The following LACTB variants were observed in gnomAD, a reference collection of about 807,000 sequenced individuals.
LACTB encodes the protein serine beta-lactamase-like protein LACTB, mitochondrial.
A neutral mutation model predicts 50.2 loss-of-function variants in LACTB; 35 were observed. That is an observed-to-expected ratio of 0.70 (90% CI 0.53 to 0.92). The LOEUF is 0.92. Ranked by LOEUF, LACTB falls within the 40% of genes least tolerant of loss-of-function variation. The pLI is 0.00. For missense variants in LACTB, 664 were observed against 691.8 expected (o/e 0.96, Z 0.45); for synonymous variants, 252 against 268.2 (o/e 0.94, Z 0.59).
chr15:63,135,937 T>G (rs563448690), intron 5 of LACTB, among the ~76,000 whole-genome samples: 13 of 152,348 alleles, frequency 8.5e-5, no homozygotes, highest in African/African-American at 2.6e-4. Flanking sequence ...ATGTGCAGAC[T>G]GCAGAGCAGC....
intron 5 of LACTB, among the ~76,000 whole-genome samples, chr15:63,133,699 A>C (rs2037152639): frequency 1.3e-5 from 2 of 152,206 alleles, no homozygotes; most frequent in Admixed American, 1.3e-4. Flanking sequence ...TGTTCAGCTG[A>C]GATGAGACAG....
chr15:63,128,131 CTT>C (rs1566990797), intron 4 of LACTB, among the ~76,000 whole-genome samples: 1 of 152,048 alleles, frequency 6.6e-6, no homozygotes, highest in Admixed American at 6.6e-5. Flanking sequence ...AAATAATTAT[CTT>C]TGTTTTATTT....
intron 4 of LACTB, among the ~76,000 whole-genome samples, chr15:63,129,136 AT>A (rs1365856532): frequency 3.3e-5 from 5 of 152,104 alleles, no homozygotes; most frequent in Non-Finnish European, 5.9e-5. Flanking sequence ...AAGAAATCAA[AT>A]TTGCTTTTCT....
intron 5 of LACTB, among the ~76,000 whole-genome samples, chr15:63,132,871 T>C (rs1041383389): frequency 2.6e-5 from 4 of 152,160 alleles, no homozygotes; most frequent in Non-Finnish European, 5.9e-5. Flanking sequence ...ATATCTAAAA[T>C]AATTGAACAC....
intron 2 of LACTB, 141 bp from the exon 3 acceptor site, chr15:63,126,718 G>C (rs930426467): frequency 2.2e-6 from 1 of 462,176 alleles, no homozygotes; most frequent in Non-Finnish European, 3.9e-6. Flanking sequence ...TACATGTCCA[G>C]TGTTAAGTAA....
intron 1 of LACTB, 26 bp downstream of exon 1, chr15:63,122,254 A>AG: frequency 6.6e-7 from 1 of 1,512,658 alleles, no homozygotes; most frequent in South Asian, 1.3e-5. Flanking sequence ...CGGGGGGCGT[A>AG]GGGGGCCGGG....
At chr15:63,125,419 C>T (rs768810126) in intron 2 of LACTB, among the ~76,000 whole-genome samples, 39 of 152,102 alleles carry the variant, frequency 2.6e-4, no homozygotes, top group African/African-American at 8.7e-4. Context: ...GCGCCTGCCT[C>T]GGCATCCCAA....
chr15:63,140,375 T>C (rs765915986), intron 5 of LACTB, among the ~76,000 whole-genome samples: 1 of 152,028 alleles, frequency 6.6e-6, no homozygotes, highest in Non-Finnish European at 1.5e-5. Context: ...ATAATGAAGG[T>C]TTTAATGGAG....
Position 63,127,462 on chromosome 15 carries a change from T to C in LACTB, c.725T>C (p.Met242Thr). The change falls in exon 4 of 6, where the codon ATG (methionine) becomes ACG (threonine). Residue 242 changes from methionine (M) to threonine (T), a missense_variant. Transcript: ENST00000261893. ...AAAGCTTATAAAGCCTTGAAGATGA[T>C]GAAAGAGAATGTTGCATTTGAGCAA... ...EEKAYKALKM[M>T]KENVAFEQEK... 6 of 1,612,608 alleles carry C rather than the reference T, an allele frequency of 3.7e-6. No homozygotes were observed. The highest frequency in any genetic ancestry group is 5.1e-6 in the Non-Finnish European group (6 of 1,179,116).
intron 4 of LACTB, among the ~76,000 whole-genome samples, chr15:63,128,892 C>T (rs186152047): frequency 4.5e-4 from 69 of 152,016 alleles, no homozygotes; most frequent in Admixed American, 5.2e-4. Flanking sequence ...TATGGGTGCC[C>T]GCCACCACAC....
chr15:63,141,463 C>A lies in LACTB; in HGVS notation c.1302C>A (p.Tyr434Ter), dbSNP rs769758247. The change falls in exon 6 of 6, where the codon TAC becomes TAA. Residue 434 changes from tyrosine to a stop codon, truncating the protein, a stop_gained. Transcript: ENST00000261893. LOFTEE classifies it high-confidence loss of function. ...KNSNENLLPGYLKPETMVMMW... is the reference protein window; with the variant it reads ...KNSNENLLPG Reference sequence around the variant, plus strand: ...CAAATGAAAATCTTTTACCTGGATACCTCAAACCAGAAACAATGGTTATGA... The same window carrying A: ...CAAATGAAAATCTTTTACCTGGATAACTCAAACCAGAAACAATGGTTATGA... 1 of 1,614,126 alleles carries A rather than the reference C, an allele frequency of 6.2e-7. No homozygotes were observed. Among genetic ancestry groups the A allele is most frequent in the Non-Finnish European group, 8.5e-7 (1 of 1,180,020 alleles).
At chr15:63,129,245 A>G (rs916194889) in intron 4 of LACTB, 8 of 272,854 alleles carry the variant, frequency 2.9e-5, no homozygotes, top group Admixed American at 2.3e-4. Context: ...AAAGGAGCAG[A>G]TTTATGTGAA....
chr15:63,129,519 C>T lies in LACTB; in HGVS notation c.987C>T (p.Thr329=). The change falls in exon 5 of 6, where the codon ACC becomes ACT. Residue 329 remains threonine, a synonymous_variant. Coordinates refer to ENST00000261893, the MANE Select transcript of LACTB (RefSeq NM_032857.5). ...TTTTGTATTCAACTTTTGGCTATAC[C>T]CTACTGGCAGCCATAGTAGAGAGAG... ...SQFLYSTFGY[T]LLAAIVERAS... 6.2e-7 allele frequency: 1 copy of T among 1,606,278 alleles called. No individual in the cohort carries two copies. The highest frequency in any genetic ancestry group is 8.5e-7 in the Non-Finnish European group (1 of 1,176,404).
chr15:63,141,316 C>A lies in LACTB; in HGVS notation c.1155C>A (p.Asn385Lys). 6.2e-7 allele frequency: 1 copy of A among 1,611,034 alleles called. No individual in the cohort carries two copies. Among genetic ancestry groups the A allele is most frequent in the Middle Eastern group, 1.7e-4 (1 of 6,042 alleles). ...ACAATAAAAAGAAACGTCTTGTCAA[C>A]ACACCTTACGTGGATAACTCCTATA... The part of the protein sequence containing the change: ...YVYNKKKRLV[N>K]TPYVDNSYKW... Residue 385 changes from asparagine to lysine, a missense_variant, in exon 6 of 6, where the codon AAC (asparagine) becomes AAA (lysine). Transcript: ENST00000261893.
rs187172643 is a variant in LACTB at position 63,125,691 on chromosome 15, T to G, written c.425-1168T>G. On this transcript the variant is annotated intron_variant, in intron 2 of 5. Coordinates refer to ENST00000261893, the MANE Select transcript of LACTB (RefSeq NM_032857.5). ...CTCTTTTTATTTATTTATTTATTTA[T>G]TTTTTGGACAGGGTCTCTTACTGTG... Among the ~76,000 whole-genome samples the G allele has an allele frequency of 8.4e-4, 127 of 152,006 alleles. 1 individual carries two copies. In the East Asian group the frequency reaches 0.012, roughly 15 times the overall value.
At chr15:63,124,242 A>G (rs185883515) in intron 2 of LACTB, among the ~76,000 whole-genome samples, 3 of 152,318 alleles carry the variant, frequency 2.0e-5, no homozygotes, top group South Asian at 2.1e-4. Flanking sequence ...TTCCTTGGCT[A>G]TGATTATAGA....
intron 4 of LACTB, among the ~76,000 whole-genome samples, chr15:63,128,156 C>T (rs1444872953): frequency 2.0e-5 from 3 of 151,848 alleles, no homozygotes; most frequent in Non-Finnish European, 4.4e-5. Flanking sequence ...TGATTTGGTG[C>T]CTATTGAAGC....
intron 1 of LACTB, 26 bp from the exon 2 acceptor site, chr15:63,122,610 G>T: frequency 6.3e-7 from 1 of 1,590,254 alleles, no homozygotes; most frequent in East Asian, 2.2e-5. Flanking sequence ...GCCCGTAACT[G>T]TCGGTTCTTT....
In LACTB at chr15:63,141,845, G is replaced by C. The variant is rs757707003; in HGVS notation, c.*40G>C. The C allele has an allele frequency of 1.3e-5, 20 of 1,530,742 alleles. No homozygotes were observed. The highest frequency in any genetic ancestry group is 1.7e-5 in the Non-Finnish European group (19 of 1,132,840). The allele number at this position is 1,530,742 out of a possible 1,614,324, so 94.8% of individuals were successfully genotyped here. A position where few individuals can be genotyped will look rare whatever the true frequency, so the allele number is the denominator to read the frequency against. On this transcript the variant is annotated 3_prime_UTR_variant, in exon 6 of 6. Transcript: ENST00000261893. ...TAGGTGCAAAATGAGTTGTTCTGAG[G>C]TTTTTTTGAAACATTAAAGTTCCAA...
Sources: gnomAD v4.1 joint callset for allele counts (sites outside exome capture counted in the v4.1 genomes callset) on GRCh38, gnomAD v4.1.1 for gene constraint, MANE v1.5 for transcripts, NCBI Gene and HGNC (gene_info 2026-07-23, HGNC 2026-07-21) for gene names.